The following GPSM1 variants were observed in gnomAD, a reference collection of about 807,000 sequenced individuals.
The protein encoded by GPSM1 is G protein signaling modulator 1, also known as G protein-signaling modulator 1.
Under a neutral mutation model 70.5 loss-of-function variants are expected in GPSM1, and 48 were observed. The observed-to-expected ratio is 0.68, with a 90% CI of 0.54 to 0.87. GPSM1 has a LOEUF of 0.87. GPSM1 is among the 40% of genes least tolerant of loss of function. The pLI, the probability that GPSM1 is intolerant of heterozygous loss-of-function variation, is 0.00. For synonymous variants in GPSM1, 416 were observed against 430.1 expected (o/e 0.97, Z 0.41); for missense variants, 981 against 972.6 (o/e 1.01, Z -0.11).
chr9:136,343,198 C>T lies in GPSM1; in HGVS notation c.1207+2205C>T, dbSNP rs1483123721. 6.6e-6 allele frequency among the ~76,000 whole-genome samples: 1 copy of T among 152,166 alleles called. No individual in the cohort carries two copies. Among genetic ancestry groups the T allele is most frequent in the Non-Finnish European group, 1.5e-5 (1 of 68,018 alleles). On this transcript the variant is annotated intron_variant, in intron 9 of 13. Transcript: ENST00000440944. The surrounding 1 kb of genome is among the most constrained non-coding windows in gnomAD (Gnocchi z 6.0). Reference sequence around the variant, plus strand: ...TCTATGAGACCCTGACAGCAACCAGCCCCCACCTCCCTGGCCAGAGGGCAC... The same window carrying T: ...TCTATGAGACCCTGACAGCAACCAGTCCCCACCTCCCTGGCCAGAGGGCAC...
rs1314074202 is a variant in GPSM1 at position 136,342,261 on chromosome 9, C to T, written c.1207+1268C>T. ...ACCCTCCTGTGTCCCTGGCTCGGCA[C>T]TGCCACCATCTGGGACCCCAGCAGC... is the stretch of plus-strand genomic sequence containing the variant. On this transcript the variant is annotated intron_variant, in intron 9 of 13. Coordinates refer to ENST00000440944, the MANE Select transcript of GPSM1 (RefSeq NM_001145638.3). The surrounding 1 kb of genome is among the most constrained non-coding windows in gnomAD (Gnocchi z 5.5). Among the ~76,000 whole-genome samples, 1 of 152,162 alleles carries T rather than the reference C, an allele frequency of 6.6e-6. No individual in the cohort carries two copies. The highest frequency in any genetic ancestry group is 2.4e-5 in the African/African-American group (1 of 41,436).
chr9:136,331,591 C>T (rs999282508), intron 1 of GPSM1, among the ~76,000 whole-genome samples: 5 of 152,214 alleles, frequency 3.3e-5, no homozygotes, highest in Admixed American at 3.3e-4. Context: ...CGCCATTCCT[C>T]TTTCCATTCA....
At chr9:136,356,224 C>T (rs983733448) in intron 12 of GPSM1, 118 bp from the exon 13 acceptor site, 2 of 797,172 alleles carry the variant, frequency 2.5e-6, no homozygotes, top group Non-Finnish European at 3.8e-6. Flanking sequence ...GGAGCCATGG[C>T]CCCAGCAGCA....
chr9:136,353,828 G>A (rs1466140995), intron 11 of GPSM1, among the ~76,000 whole-genome samples: 1 of 152,146 alleles, frequency 6.6e-6, no homozygotes, highest in Non-Finnish European at 1.5e-5. Context: ...AGACCAGGAG[G>A]CCACATCCTC....
Position 136,343,227 on chromosome 9 carries a change from C to G in GPSM1, c.1207+2234C>G, listed in dbSNP as rs568584206. Among the ~76,000 whole-genome samples the G allele has an allele frequency of 1.3e-5, 2 of 152,170 alleles. No individual in the cohort carries two copies. Among genetic ancestry groups the G allele is most frequent in the Admixed American group, 1.3e-4 (2 of 15,286 alleles). ...CACCTCCCTGGCCAGAGGGCACAGG[C>G]CCGGGCCTCCCACACTTGCTCCTGG... On this transcript the variant is annotated intron_variant, in intron 9 of 13. Transcript: ENST00000440944. This position sits in a 1 kb window ranked among gnomAD's most constrained non-coding sequence, Gnocchi z 6.0.
chr9:136,352,972 C>T (rs1174923607), intron 11 of GPSM1: 6 of 406,948 alleles, frequency 1.5e-5, no homozygotes, highest in South Asian at 9.9e-5. Flanking sequence ...CAGGGGCGGG[C>T]GCTAGGAGGG....
chr9:136,354,279 A>G (rs1184933607), intron 11 of GPSM1, among the ~76,000 whole-genome samples: 4 of 152,054 alleles, frequency 2.6e-5, no homozygotes, highest in South Asian at 4.2e-4. Flanking sequence ...TCTAGGCCCC[A>G]CTCTCCTGTG....
chr9:136,337,750 C>G (rs1323294848), intron 5 of GPSM1, 96 bp from the exon 6 acceptor site: 3 of 1,085,930 alleles, frequency 2.8e-6, no homozygotes, highest in African/African-American at 3.1e-5. Flanking sequence ...ACACAGATCT[C>G]TGGCCGGCCA....
rs1554771743 is a variant in GPSM1 at position 136,349,616 on chromosome 9, G to A, written c.1308G>A (p.Gly436=). The A allele has an allele frequency of 1.3e-6, 2 of 1,550,216 alleles. No individual in the cohort carries two copies. Among genetic ancestry groups the A allele is most frequent in the South Asian group, 1.2e-5 (1 of 84,066 alleles). Reference sequence around the variant, plus strand: ...AGAATGGAGACAGCCACCATTCAGGGGACTGGCGGGGGCCCAGCAGGGACT... The same window carrying A: ...AGAATGGAGACAGCCACCATTCAGGAGACTGGCGGGGGCCCAGCAGGGACT... ...REQNGDSHHS[G]DWRGPSRDSL... The change falls in exon 11 of 14, where the codon GGG becomes GGA. Residue 436 remains glycine, a synonymous_variant. Coordinates refer to ENST00000440944, the MANE Select transcript of GPSM1 (RefSeq NM_001145638.3).
At chr9:136,338,780 G>T in intron 7 of GPSM1, 70 bp downstream of exon 7, 1 of 1,424,086 alleles carries the variant, frequency 7.0e-7, no homozygotes, top group Non-Finnish European at 9.4e-7. Flanking sequence ...GCCCAGGCGA[G>T]GTGGCCTGGG....
At chr9:136,337,146 C>A (rs1174040509) in intron 4 of GPSM1, 74 bp downstream of exon 4, 9 of 1,348,896 alleles carry the variant, frequency 6.7e-6, no homozygotes, top group Middle Eastern at 2.2e-4. Context: ...ACTTCCAGAC[C>A]CCCGACCCCA....
chr9:136,331,502 G>A (rs183523303), intron 1 of GPSM1, among the ~76,000 whole-genome samples: 34 of 152,278 alleles, frequency 2.2e-4, no homozygotes, highest in African/African-American at 5.8e-4. Flanking sequence ...CCACCACTGC[G>A]CAGAATTCCA....
chr9:136,356,903 C>T (rs908192631), intron 13 of GPSM1, among the ~76,000 whole-genome samples: 13 of 152,212 alleles, frequency 8.5e-5, no homozygotes, highest in Non-Finnish European at 1.6e-4. Flanking sequence ...CCTCCACACC[C>T]GGCAGGGAAA....
At chr9:136,350,472 G>T (rs1832632754) in intron 11 of GPSM1, among the ~76,000 whole-genome samples, 1 of 152,246 alleles carries the variant, frequency 6.6e-6, no homozygotes, top group Non-Finnish European at 1.5e-5. Flanking sequence ...TGGTGTGGAA[G>T]CACCTGCAGC....
At chr9:136,331,770 G>A (rs1255869263) in intron 1 of GPSM1, among the ~76,000 whole-genome samples, 2 of 152,140 alleles carry the variant, frequency 1.3e-5, no homozygotes, top group Admixed American at 6.5e-5. Flanking sequence ...AGGGCTCCCC[G>A]CCCCGCTGCT....
chr9:136,338,265 C>G (rs1832298440), intron 6 of GPSM1, among the ~76,000 whole-genome samples: 1 of 152,214 alleles, frequency 6.6e-6, no homozygotes, highest in African/African-American at 2.4e-5. Flanking sequence ...TAAACTTAAC[C>G]CCATCTCAGC....
Position 136,327,876 on chromosome 9 carries a change from G to A in GPSM1, c.68+113G>A, listed in dbSNP as rs191727163. On this transcript the variant is annotated intron_variant, in intron 1 of 13. Transcript: ENST00000440944. Reference sequence around the variant, plus strand: ...AAGGCAGCTCTCGCGGGCGCGCAGCGTGGCTGAGGACGCGCCCCTCCCTCC... The same window carrying A: ...AAGGCAGCTCTCGCGGGCGCGCAGCATGGCTGAGGACGCGCCCCTCCCTCC... 7.9e-3 allele frequency: 2,346 copies of A among 297,604 alleles called. 56 individuals are homozygous for A. The highest frequency in any genetic ancestry group is 0.049 in the African/African-American group (2,194 of 44,628). The allele number at this position is 297,604 out of a possible 1,614,324, so 18.4% of individuals were successfully genotyped here.
Position 136,336,021 on chromosome 9 carries a change from C to T in GPSM1, c.346C>T (p.Leu116Phe). Residue 116 changes from leucine to phenylalanine, a missense_variant, in exon 3 of 14, where the codon CTC becomes TTC. Physicochemically the swap from Leu to Phe is conservative, Grantham distance 22. Transcript: ENST00000440944. ...GGCCAGTGGAAACCTGGGAAACACA[C>T]TCAAGGTCCTGGGGCGCTTCGACGA... ...AKASGNLGNT[L>F]KVLGRFDEAA... is the part of the protein sequence containing the mutation. The T allele has an allele frequency of 6.2e-7, 1 of 1,612,612 alleles. No individual in the cohort carries two copies. The highest frequency in any genetic ancestry group is 8.5e-7 in the Non-Finnish European group (1 of 1,179,898).
At chr9:136,357,926 C>T (rs577523121) in intron 13 of GPSM1, 88 bp from the exon 14 acceptor site, 232 of 1,039,118 alleles carry the variant, frequency 2.2e-4, no homozygotes, top group Middle Eastern at 4.2e-4. Context: ...GAACAGTGCA[C>T]GCTGGCCTCT....
Sources: gnomAD v4.1 joint callset for allele counts (sites outside exome capture counted in the v4.1 genomes callset) on GRCh38, gnomAD v4.1.1 for gene constraint, Gnocchi (gnomAD v3.1) non-coding constraint, MANE v1.5 for transcripts, NCBI Gene and HGNC (gene_info 2026-07-23, HGNC 2026-07-21) for gene names.